Variants in MGMT observed in about 807,000 individuals in gnomAD.
MGMT encodes the protein methylated-DNA--protein-cysteine methyltransferase.
MGMT carries 14 observed loss-of-function variants against 15.9 expected under a neutral mutation model. That is an observed-to-expected ratio of 0.88 (90% CI 0.58 to 1.37). The LOEUF (loss-of-function observed/expected upper bound fraction) is 1.37. Among genes scored for constraint, MGMT ranks in the 40% most tolerant of loss-of-function variants. MGMT has a pLI of 0.00. For synonymous variants in MGMT, 130 were observed against 118.2 expected (o/e 1.10, Z -0.65); for missense variants, 282 against 268.1 (o/e 1.05, Z -0.36).
chr10:129,624,846 A>C (rs964668419), intron 2 of MGMT, among the ~76,000 whole-genome samples: 1 of 152,230 alleles, frequency 6.6e-6, no homozygotes, highest in Non-Finnish European at 1.5e-5. Context: ...CGTGCAGGGC[A>C]GGCACCCACA....
At chr10:129,595,653 C>T (rs1244319521) in intron 2 of MGMT, among the ~76,000 whole-genome samples, 1 of 152,090 alleles carries the variant, frequency 6.6e-6, no homozygotes, top group Non-Finnish European at 1.5e-5. Context: ...CTGAAATTCT[C>T]AAAAGTGTCT....
intron 1 of MGMT, among the ~76,000 whole-genome samples, chr10:129,489,097 A>G (rs1250960869): frequency 2.0e-5 from 3 of 152,182 alleles, no homozygotes; most frequent in Non-Finnish European, 2.9e-5. Context: ...ACAGTGGCTC[A>G]TGCCTGTAAT....
At chr10:129,696,689 G>T (rs1361881669) in intron 2 of MGMT, among the ~76,000 whole-genome samples, 1 of 152,228 alleles carries the variant, frequency 6.6e-6, no homozygotes, top group Non-Finnish European at 1.5e-5. Flanking sequence ...AGTGGGCAGG[G>T]ATTGAGCACT....
At chr10:129,582,259 A>G (rs1464626668) in intron 2 of MGMT, among the ~76,000 whole-genome samples, 3 of 152,182 alleles carry the variant, frequency 2.0e-5, no homozygotes, top group Non-Finnish European at 4.4e-5. Flanking sequence ...GCCTTCTACC[A>G]GGAGCCAAGG....
At chr10:129,752,430 C>A (rs1010969418) in intron 3 of MGMT, among the ~76,000 whole-genome samples, 2 of 151,920 alleles carry the variant, frequency 1.3e-5, no homozygotes, top group Non-Finnish European at 2.9e-5. Flanking sequence ...TCTATTGTGA[C>A]AGTCTCTATC....
intron 2 of MGMT, among the ~76,000 whole-genome samples, chr10:129,541,519 G>A (rs1217900120): frequency 6.6e-6 from 1 of 152,152 alleles, no homozygotes; most frequent in Non-Finnish European, 1.5e-5. Context: ...TTTCCATAAT[G>A]TTGATTGCCG....
At chr10:129,495,065 C>T (rs755552751) in intron 1 of MGMT, among the ~76,000 whole-genome samples, 15 of 152,182 alleles carry the variant, frequency 9.9e-5, no homozygotes, top group Non-Finnish European at 1.6e-4. Flanking sequence ...AGGATATTAC[C>T]GACCCCATGC....
At chr10:129,524,836 C>T (rs184215002) in intron 1 of MGMT, among the ~76,000 whole-genome samples, 13 of 152,106 alleles carry the variant, frequency 8.5e-5, no homozygotes, top group East Asian at 1.9e-4. Flanking sequence ...GTGATCCACA[C>T]GCCTCGGCCT....
At chr10:129,547,747 A>C (rs1258608469) in intron 2 of MGMT, among the ~76,000 whole-genome samples, 1 of 152,198 alleles carries the variant, frequency 6.6e-6, no homozygotes, top group Non-Finnish European at 1.5e-5. Flanking sequence ...ATTCTCTTCG[A>C]GTAACACTGG....
chr10:129,682,091 C>G (rs1847859510), intron 2 of MGMT, among the ~76,000 whole-genome samples: 1 of 152,056 alleles, frequency 6.6e-6, no homozygotes, highest in Non-Finnish European at 1.5e-5. Flanking sequence ...TGGCCACTTC[C>G]CAGAAAGTTA....
In MGMT at chr10:129,556,389, C is replaced by T. The variant is rs1056165246; in HGVS notation, c.125+20012C>T. Among the ~76,000 whole-genome samples, 2 of 152,142 alleles carry T rather than the reference C, an allele frequency of 1.3e-5. No individual in the cohort carries two copies. The highest frequency in any genetic ancestry group is 1.5e-5 in the Non-Finnish European group (1 of 68,034). ...AGATGGAGGTTGTGGCACAGACACA[C>T]GGAGGGATGGCCACGTGAGGACCCT... On this transcript the variant is annotated intron_variant, in intron 2 of 4. Coordinates refer to ENST00000651593, the MANE Select transcript of MGMT (RefSeq NM_002412.5). This position sits in a 1 kb window ranked among gnomAD's most constrained non-coding sequence, Gnocchi z 4.3.
At chr10:129,664,146 G>C (rs899501785) in intron 2 of MGMT, among the ~76,000 whole-genome samples, 1 of 152,062 alleles carries the variant, frequency 6.6e-6, no homozygotes, top group East Asian at 1.9e-4. Flanking sequence ...GGAATGCAAG[G>C]GTAGTTTGGT....
chr10:129,723,282 T>C (rs1008571782), intron 3 of MGMT, among the ~76,000 whole-genome samples: 2 of 152,140 alleles, frequency 1.3e-5, no homozygotes, highest in African/African-American at 4.8e-5. Flanking sequence ...TTCCCAACCA[T>C]TCCCCCTGAG....
At chr10:129,677,779 G>A (rs1847802227) in intron 2 of MGMT, among the ~76,000 whole-genome samples, 1 of 152,148 alleles carries the variant, frequency 6.6e-6, no homozygotes, top group South Asian at 2.1e-4. Flanking sequence ...TGGGCCAGCC[G>A]GGGGCGAAGG....
At chr10:129,626,776 G>A (rs1318561204) in intron 2 of MGMT, among the ~76,000 whole-genome samples, 1 of 152,196 alleles carries the variant, frequency 6.6e-6, no homozygotes, top group African/African-American at 2.4e-5. Flanking sequence ...CAGATTTTTT[G>A]TTTTAAGATG....
intron 3 of MGMT, among the ~76,000 whole-genome samples, chr10:129,708,302 C>T (rs1848192000): frequency 1.3e-5 from 2 of 152,174 alleles, no homozygotes; most frequent in East Asian, 1.9e-4. Context: ...TCTTGACTCT[C>T]GCTGGCTGAA....
At chr10:129,589,413 C>T (rs534611182) in intron 2 of MGMT, among the ~76,000 whole-genome samples, 59 of 152,306 alleles carry the variant, frequency 3.9e-4, no homozygotes, top group Admixed American at 2.7e-3. Context: ...TCACCTCTGA[C>T]CTCTTGAGTT....
At chr10:129,672,636 G>C (rs1045671981) in intron 2 of MGMT, among the ~76,000 whole-genome samples, 10 of 152,112 alleles carry the variant, frequency 6.6e-5, no homozygotes, top group Admixed American at 6.5e-4. Context: ...CCCATTCATA[G>C]AATACATTAT....
At chr10:129,536,573 G>A in intron 2 of MGMT, 196 bp downstream of exon 2, 1 of 606,332 alleles carries the variant, frequency 1.6e-6, no homozygotes, top group Non-Finnish European at 2.7e-6. Context: ...TGTTGCCCAG[G>A]AGCTCTCCAC....
Sources: allele counts gnomAD v4.1 joint callset (sites outside exome capture counted in the v4.1 genomes callset), GRCh38; gene constraint gnomAD v4.1.1; non-coding constraint Gnocchi (gnomAD v3.1); transcripts MANE v1.5; gene names NCBI Gene and HGNC (gene_info 2026-07-23, HGNC 2026-07-21).